The following ODR4 variants were observed in gnomAD, a reference collection of about 807,000 sequenced individuals.
ODR4 encodes the protein protein odr-4 homolog.
In ODR4, 47 loss-of-function variants were observed where a neutral mutation model predicts 60.2. The observed-to-expected ratio is 0.78, with a 90% CI of 0.62 to 1.00. ODR4 has a LOEUF of 1.00. Among genes scored for constraint, ODR4 ranks in the 50% least tolerant of loss-of-function variants. The pLI, the probability that ODR4 is intolerant of heterozygous loss-of-function variation, is 0.00. For missense variants in ODR4, 488 were observed against 530.8 expected (o/e 0.92, Z 0.79); for synonymous variants, 178 against 175.5 (o/e 1.01, Z -0.11).
chr1:186,417,521 T>G, intron 12 of ODR4, 23 bp from the exon 13 acceptor site: 1 of 1,278,922 alleles, frequency 7.8e-7, no homozygotes, highest in Non-Finnish European at 1.1e-6. Flanking sequence ...TATGTGGAAT[T>G]TATTATTATT....
chr1:186,431,533 A>G, the ODR4 span, among the ~76,000 whole-genome samples: 1 of 152,224 alleles, frequency 6.6e-6, no homozygotes, highest in Admixed American at 6.5e-5. Flanking sequence ...GCAGAAAGGT[A>G]GAGTAATTAG....
chr1:186,381,720 C>T (rs1226659730), intron 2 of ODR4, among the ~76,000 whole-genome samples: 4 of 152,158 alleles, frequency 2.6e-5, no homozygotes, highest in Non-Finnish European at 4.4e-5. Context: ...GCTTTTTCTT[C>T]CAGAGTTCAT....
At chr1:186,402,651 GATC>G (rs1661028790) in intron 11 of ODR4, among the ~76,000 whole-genome samples, 2 of 151,048 alleles carry the variant, frequency 1.3e-5, no homozygotes, top group Admixed American at 6.6e-5. Flanking sequence ...GCACAGGTAT[GATC>G]ATAGCTAAAT....
the ODR4 span, among the ~76,000 whole-genome samples, chr1:186,428,971 T>G: frequency 6.6e-6 from 1 of 152,190 alleles, no homozygotes; most frequent in Admixed American, 6.5e-5. Context: ...AGGCTGGGCA[T>G]GGTGGCTCAT....
chr1:186,410,358 A>G (rs1195263627), intron 12 of ODR4, among the ~76,000 whole-genome samples: 2 of 152,238 alleles, frequency 1.3e-5, no homozygotes, highest in Admixed American at 6.5e-5. Flanking sequence ...TGTCTTTTAT[A>G]TGAAAATATG....
In ODR4 at chr1:186,406,136, G is replaced by A. The variant is rs1661166826; in HGVS notation, c.1054G>A (p.Gly352Arg). ...TTATCGAGTCTTTGTTCCCCTTCCT[G>A]GATCCACTGTAATGTTGTGTGATTA... is the stretch of plus-strand genomic sequence containing the variant. ...LPYRVFVPLP[G>R]STVMLCDYKF... Residue 352 changes from glycine to arginine, a missense_variant, in exon 12 of 14, where the codon GGA becomes AGA. Gly to Arg is a moderately radical substitution (Grantham distance 125, BLOSUM62 -2). Transcript: ENST00000287859. The A allele has an allele frequency of 6.2e-7, 1 of 1,607,344 alleles. No individual in the cohort carries two copies. Among genetic ancestry groups the A allele is most frequent in the African/African-American group, 1.3e-5 (1 of 74,744 alleles).
rs756083404 is a variant in ODR4, at chr1:186,383,607, G to T, written c.234+451G>T. 4.0e-4 allele frequency among the ~76,000 whole-genome samples: 61 copies of T among 150,668 alleles called. 1 individual carries two copies. Among genetic ancestry groups the T allele is most frequent in the Middle Eastern group, 3.2e-3 (1 of 316 alleles). On this transcript the variant is annotated intron_variant, in intron 3 of 13. Transcript: ENST00000287859. ...AAAGAATTTTCTTTAATAAATAAAA[G>T]ATTTATTTCCTTTTCCAATCAACTT...
At chr1:186,428,966 G>A in the ODR4 span, among the ~76,000 whole-genome samples, 3 of 152,282 alleles carry the variant, frequency 2.0e-5, no homozygotes, top group Non-Finnish European at 4.4e-5. Context: ...TAATAAGGCT[G>A]GGCATGGTGG....
intron 12 of ODR4, among the ~76,000 whole-genome samples, chr1:186,408,936 T>C (rs560781397): frequency 6.6e-6 from 1 of 152,224 alleles, no homozygotes; most frequent in Admixed American, 6.5e-5. Flanking sequence ...TTTCATGTTG[T>C]ATGTTAAACA....
chr1:186,395,035 G>A (rs1660616169), intron 9 of ODR4, among the ~76,000 whole-genome samples: 1 of 152,208 alleles, frequency 6.6e-6, no homozygotes, highest in South Asian at 2.1e-4. Context: ...GATGTATAGA[G>A]TGTGGGAATA....
chr1:186,390,565 A>ATAGTCTTT, intron 6 of ODR4, 146 bp from the exon 7 acceptor site: 1 of 770,064 alleles, frequency 1.3e-6, no homozygotes, highest in Middle Eastern at 3.4e-4. Flanking sequence ...AGTTCAACCT[A>ATAGTCTTT]TAGTCTTTTG....
intron 12 of ODR4, among the ~76,000 whole-genome samples, chr1:186,407,822 A>ATTAGGAATTT (rs1398472748): frequency 6.6e-6 from 1 of 152,098 alleles, no homozygotes; most frequent in Non-Finnish European, 1.5e-5. Context: ...TTTCCGGTAG[A>ATTAGGAATTT]TTAGGAATTT....
intron 4 of ODR4, among the ~76,000 whole-genome samples, chr1:186,387,482 T>G (rs1660296883): frequency 6.6e-6 from 1 of 152,186 alleles, no homozygotes; most frequent in South Asian, 2.1e-4. Flanking sequence ...TTTTGTATCT[T>G]TTGTTCCTAA....
chr1:186,421,457 G>A (rs1571709309), downstream of ODR4: 1 of 152,180 alleles, frequency 6.6e-6, no homozygotes, highest in Non-Finnish European at 1.5e-5. Context: ...TGGAATTAGA[G>A]TGGTCTGAGG....
chr1:186,423,878 A>G (rs929816870), downstream of ODR4, among the ~76,000 whole-genome samples: 2 of 152,188 alleles, frequency 1.3e-5, no homozygotes, highest in African/African-American at 4.8e-5. Context: ...AATTAAAACC[A>G]TAATTAATAA....
intron 9 of ODR4, 104 bp downstream of exon 9, chr1:186,394,119 G>A (rs1185512642): frequency 3.0e-6 from 2 of 670,724 alleles, no homozygotes; most frequent in Non-Finnish European, 5.0e-6. Context: ...TTTTAGAGCT[G>A]TAAGAGACTG....
chr1:186,388,337 AT>A, intron 4 of ODR4, 104 bp from the exon 5 acceptor site: 1 of 619,084 alleles, frequency 1.6e-6, no homozygotes, highest in Non-Finnish European at 2.7e-6. Context: ...GAATCATGGA[AT>A]TTTAAAGCTA....
chr1:186,408,710 TTATA>T (rs1258183059), intron 12 of ODR4, among the ~76,000 whole-genome samples: 2 of 150,886 alleles, frequency 1.3e-5, no homozygotes, highest in Non-Finnish European at 3.0e-5. Flanking sequence ...TATATCATGT[TTATA>T]TATAATTTTT....
intron 2 of ODR4, among the ~76,000 whole-genome samples, chr1:186,381,592 G>T (rs1351403001): frequency 3.3e-5 from 5 of 152,150 alleles, no homozygotes; most frequent in Non-Finnish European, 4.4e-5. Flanking sequence ...CTCCCAAAGT[G>T]CTGGGATTAC....
Sources: allele counts gnomAD v4.1 joint callset (sites outside exome capture counted in the v4.1 genomes callset), GRCh38; gene constraint gnomAD v4.1.1; transcripts MANE v1.5; gene names NCBI Gene and HGNC (gene_info 2026-07-23, HGNC 2026-07-21).